The following RNLS variants were observed in gnomAD, a reference collection of about 807,000 sequenced individuals.
RNLS encodes the protein renalase.
In RNLS, 39 loss-of-function variants were observed where a neutral mutation model predicts 39.8. The ratio of observed to expected loss-of-function variants is 0.98; its 90% CI spans 0.76 to 1.28. The LOEUF (loss-of-function observed/expected upper bound fraction) is 1.28. Among genes scored for constraint, RNLS ranks in the 50% most tolerant of loss-of-function variants. The pLI is 0.00. For synonymous variants in RNLS, 147 were observed against 150.7 expected (o/e 0.98, Z 0.18); for missense variants, 410 against 413.3 (o/e 0.99, Z 0.07).
intron 4 of RNLS, among the ~76,000 whole-genome samples, chr10:88,462,578 A>C (rs569659390): frequency 6.6e-6 from 1 of 152,056 alleles, no homozygotes; most frequent in South Asian, 2.1e-4. Context: ...TTCTCAAGTT[A>C]CTCACAGTCT....
At chr10:88,327,740 G>A (rs956546157) in intron 5 of RNLS, among the ~76,000 whole-genome samples, 1 of 152,050 alleles carries the variant, frequency 6.6e-6, no homozygotes, top group Non-Finnish European at 1.5e-5. Flanking sequence ...TTGACATTTT[G>A]TATGTATGTA....
intron 4 of RNLS, among the ~76,000 whole-genome samples, chr10:88,524,962 T>A (rs7091410): frequency 1.3e-5 from 1 of 77,124 alleles, no homozygotes; most frequent in African/African-American, 5.0e-5. Flanking sequence ...CACACATACA[T>A]ATATATATAT....
intron 4 of RNLS, among the ~76,000 whole-genome samples, chr10:88,384,718 T>C (rs1435314540): frequency 6.6e-6 from 1 of 152,238 alleles, no homozygotes; most frequent in Non-Finnish European, 1.5e-5. Context: ...TAGTTTATTA[T>C]GTACCAGGAG....
chr10:88,506,824 C>G (rs141500303), intron 4 of RNLS, among the ~76,000 whole-genome samples: 44 of 152,146 alleles, frequency 2.9e-4, no homozygotes, highest in African/African-American at 1.0e-3. Context: ...TTTATGTTTT[C>G]AAAGTGAAAG....
rs149620926 is a variant in RNLS at position 88,312,119 on chromosome 10, G to A, written c.876+2347C>T. ...TCCCTGGAACCTACAAATATGTTAC[G>A]TCAATGGAAAGGAAGATTTTAGGTT... On this transcript the variant is annotated intron_variant, in intron 6 of 6. Coordinates refer to ENST00000331772, the MANE Select transcript of RNLS (RefSeq NM_001031709.3). Among the ~76,000 whole-genome samples the A allele has an allele frequency of 3.4e-4, 52 of 152,296 alleles. No individual in the cohort carries two copies. In the East Asian group the frequency reaches 7.9e-3, roughly 23 times the overall value.
downstream of RNLS, among the ~76,000 whole-genome samples, chr10:88,280,198 A>G (rs1842960312): frequency 6.6e-6 from 1 of 152,144 alleles, no homozygotes; most frequent in Non-Finnish European, 1.5e-5. Context: ...TTTTATATGA[A>G]CGTAAGCCTC....
intron 4 of RNLS, 95 bp downstream of exon 4, chr10:88,572,808 T>C: frequency 7.9e-7 from 1 of 1,270,280 alleles, no homozygotes; most frequent in Middle Eastern, 2.1e-4. Context: ...ATAGAGTCTA[T>C]CACTTGTCCT....
At chr10:88,528,058 C>A (rs1847210475) in intron 4 of RNLS, among the ~76,000 whole-genome samples, 1 of 151,402 alleles carries the variant, frequency 6.6e-6, no homozygotes, top group African/African-American at 2.4e-5. Flanking sequence ...AAATGTGAGA[C>A]TGAGTGAACA....
intron 4 of RNLS, 86 bp downstream of exon 4, chr10:88,572,817 C>T (rs1261269975): frequency 1.4e-6 from 2 of 1,382,476 alleles, no homozygotes; most frequent in Non-Finnish European, 2.0e-6. Flanking sequence ...ATCACTTGTC[C>T]TTTGCGAAGA....
intron 4 of RNLS, among the ~76,000 whole-genome samples, chr10:88,403,801 G>A (rs540246212): frequency 2.0e-5 from 3 of 151,880 alleles, no homozygotes; most frequent in East Asian, 3.9e-4. Context: ...TTGCAAGGCC[G>A]ATGCAGGAGG....
chr10:88,505,707 C>T (rs1409134), intron 4 of RNLS, among the ~76,000 whole-genome samples: 53,536 of 151,950 alleles, frequency 0.35, 10,951 homozygotes, highest in African/African-American at 0.56. Flanking sequence ...GAGAATAAAT[C>T]CCACAGATAA....
intron 4 of RNLS, among the ~76,000 whole-genome samples, chr10:88,375,907 G>C (rs978219064): frequency 6.6e-6 from 1 of 152,068 alleles, no homozygotes; most frequent in African/African-American, 2.4e-5. Context: ...AAGGAGTAGG[G>C]GCTTGGCACT....
At chr10:88,257,385 G>A in the RNLS span, among the ~76,000 whole-genome samples, 7 of 152,128 alleles carry the variant, frequency 4.6e-5, no homozygotes, top group Admixed American at 2.0e-4. Flanking sequence ...ACAATATAGC[G>A]TGCACACTAT....
rs1843206563 is a variant in RNLS, at chr10:88,285,604, CA to C, written c.877-99del. On this transcript the variant is annotated intron_variant, in intron 6 of 6. Transcript: ENST00000331772. ...AAAAGGTTAGTCTACCTGGAGAAAT[CA>C]AGATTTCTCACAAGAAGCACCAAAC... The C allele has an allele frequency of 4.3e-5, 43 of 1,006,598 alleles. No homozygotes were observed. In the Middle Eastern group the frequency reaches 8.7e-4, roughly 20 times the overall value. 62.4% of individuals were successfully genotyped at this position (1,006,598 alleles called of 1,614,324 possible).
chr10:88,343,859 C>T (rs904859535), intron 5 of RNLS: 75 of 972,952 alleles, frequency 7.7e-5, no homozygotes, highest in Middle Eastern at 1.1e-3. Flanking sequence ...ATTGAAACGT[C>T]CCTGGAGCAG....
At chr10:88,289,474 T>C (rs144849821) in intron 6 of RNLS, among the ~76,000 whole-genome samples, 16 of 152,320 alleles carry the variant, frequency 1.1e-4, no homozygotes, top group African/African-American at 3.1e-4. Context: ...AGACTCAGTA[T>C]AAACATCACC....
chr10:88,218,698 C>T, the RNLS span, among the ~76,000 whole-genome samples: 1 of 152,212 alleles, frequency 6.6e-6, no homozygotes, highest in East Asian at 1.9e-4. Flanking sequence ...ATTCCCCTGC[C>T]TCTAACTCAC....
the RNLS span, among the ~76,000 whole-genome samples, chr10:88,268,783 A>C: frequency 3.3e-5 from 5 of 152,212 alleles, no homozygotes; most frequent in Non-Finnish European, 7.3e-5. Context: ...TTTTGCTTCA[A>C]GTCCAGTGGG....
chr10:88,225,859 G>C, the RNLS span, among the ~76,000 whole-genome samples: 2 of 151,958 alleles, frequency 1.3e-5, no homozygotes, highest in African/African-American at 4.8e-5. Flanking sequence ...TAGACTAAAG[G>C]ATGGCTCTTT....
Sources: gnomAD v4.1 joint callset for allele counts (sites outside exome capture counted in the v4.1 genomes callset) on GRCh38, gnomAD v4.1.1 for gene constraint, MANE v1.5 for transcripts, NCBI Gene and HGNC (gene_info 2026-07-23, HGNC 2026-07-21) for gene names.